Variants in TTC7B observed in about 807,000 individuals in gnomAD.
The protein encoded by TTC7B is tetratricopeptide repeat domain 7B.
TTC7B carries 28 observed loss-of-function variants against 106.8 expected under a neutral mutation model. That is an observed-to-expected ratio of 0.26 (90% CI 0.19 to 0.36). TTC7B has a LOEUF of 0.36. TTC7B is among the 10% of genes least tolerant of loss of function. TTC7B has a pLI of 1.00. For missense variants in TTC7B, 862 were observed against 1,076.4 expected, an observed-to-expected ratio of 0.80 and a Z score of 2.79; for synonymous variants, 405 against 430.6, an observed-to-expected ratio of 0.94 and a Z score of 0.74.
At chr14:90,803,531 C>T (rs1019508867) in intron 1 of TTC7B, among the ~76,000 whole-genome samples, 6 of 152,186 alleles carry the variant, frequency 3.9e-5, no homozygotes, top group African/African-American at 1.2e-4. Context: ...TCCCATAACT[C>T]TCCTGGTTTA....
At chr14:90,572,899 G>T (rs2139797855) in intron 19 of TTC7B, among the ~76,000 whole-genome samples, 1 of 152,196 alleles carries the variant, frequency 6.6e-6, no homozygotes, top group African/African-American at 2.4e-5. Flanking sequence ...CTCCAGATGA[G>T]GCACATGGCC....
rs1886291009 is a variant in TTC7B, at chr14:90,663,559, G to C, written c.1153-5172C>G. On this transcript the variant is annotated intron_variant, in intron 9 of 19. Transcript: ENST00000328459. This position sits in a 1 kb window ranked among gnomAD's most constrained non-coding sequence, Gnocchi z 4.5. ...TTTACTGATCCCACGATATCCACCA[G>C]CACCACGGCAGCCAGTGGTGCCACG... Among the ~76,000 whole-genome samples the C allele has an allele frequency of 6.6e-6, 1 of 152,040 alleles. No homozygotes were observed. The highest frequency in any genetic ancestry group is 6.6e-5 in the Admixed American group (1 of 15,264).
chr14:90,564,484 T>C (rs1286855525), intron 19 of TTC7B, among the ~76,000 whole-genome samples: 7 of 152,180 alleles, frequency 4.6e-5, no homozygotes, highest in African/African-American at 1.7e-4. Context: ...AAGTCACCAA[T>C]TGCATCAGCC....
intron 6 of TTC7B, among the ~76,000 whole-genome samples, chr14:90,695,000 C>CATAATATATGT (rs1887655502): frequency 6.9e-5 from 1 of 14,544 alleles, no homozygotes; most frequent in Admixed American, 9.1e-4. Flanking sequence ...AACACATATG[C>CATAATATATGT]CACATATATT....
At chr14:90,583,295 G>T (rs1373802668) in intron 18 of TTC7B, among the ~76,000 whole-genome samples, 1 of 152,202 alleles carries the variant, frequency 6.6e-6, no homozygotes, top group Non-Finnish European at 1.5e-5. Context: ...AGGATCTACA[G>T]GCTGGTCCCC....
intron 15 of TTC7B, among the ~76,000 whole-genome samples, chr14:90,629,251 T>TC (rs33911593): frequency 6.6e-6 from 1 of 151,702 alleles, no homozygotes; most frequent in Non-Finnish European, 1.5e-5. Flanking sequence ...CCTTTTTTTT[T>TC]CTTTTTTTTT....
At chr14:90,669,988 A>G (rs900077117) in intron 9 of TTC7B, among the ~76,000 whole-genome samples, 1 of 152,246 alleles carries the variant, frequency 6.6e-6, no homozygotes, top group Admixed American at 6.5e-5. Context: ...TTTATGTGCA[A>G]GTGTTGATGT....
chr14:90,641,470 G>C (rs940667318), intron 15 of TTC7B, among the ~76,000 whole-genome samples: 4 of 152,216 alleles, frequency 2.6e-5, no homozygotes, highest in Non-Finnish European at 5.9e-5. Context: ...GTTGCAACAA[G>C]TGCCCACTTA....
At chr14:90,777,008 G>A (rs754666854) in intron 3 of TTC7B, among the ~76,000 whole-genome samples, 1 of 152,166 alleles carries the variant, frequency 6.6e-6, no homozygotes, top group Non-Finnish European at 1.5e-5. Context: ...GGCCGAGGTG[G>A]GTGGATCACC....
intron 9 of TTC7B, among the ~76,000 whole-genome samples, chr14:90,673,742 C>T (rs1436447912): frequency 3.9e-5 from 6 of 152,074 alleles, no homozygotes; most frequent in East Asian, 1.9e-4. Context: ...ATCTGTACAA[C>T]GGAATACTAT....
At chr14:90,719,798 C>A (rs778143835) in intron 5 of TTC7B, among the ~76,000 whole-genome samples, 6 of 152,186 alleles carry the variant, frequency 3.9e-5, no homozygotes, top group Non-Finnish European at 7.3e-5. Context: ...CTAAACCTAA[C>A]AAATTCCCTG....
chr14:90,681,898 T>C (rs10150479), intron 7 of TTC7B, among the ~76,000 whole-genome samples: 109,171 of 151,766 alleles, frequency 0.72, 39,605 homozygotes, highest in East Asian at 0.96. Context: ...TGTGTATGTG[T>C]GTGTGCATGT....
At chr14:90,579,512 T>C (rs1891398345) in intron 18 of TTC7B, among the ~76,000 whole-genome samples, 1 of 152,204 alleles carries the variant, frequency 6.6e-6, no homozygotes, top group Non-Finnish European at 1.5e-5. Context: ...AAAAAGAAAG[T>C]TTAGGCAAGT....
rs557271360 is a variant in TTC7B, at chr14:90,752,262, A to C, written c.446-7340T>G. 7.9e-5 allele frequency among the ~76,000 whole-genome samples: 12 copies of C among 152,256 alleles called. 1 individual carries two copies. In the South Asian group the frequency reaches 2.5e-3, roughly 32 times the overall value. ...GTCAGGTGCAGTGGCTCATGCCTGT[A>C]ATCTTAGCACTTTGGGAGGCCAAGG... is the stretch of plus-strand genomic sequence containing the variant. On this transcript the variant is annotated intron_variant, in intron 3 of 19. Transcript: ENST00000328459.
intron 15 of TTC7B, among the ~76,000 whole-genome samples, chr14:90,630,622 G>C (rs557651686): frequency 1.3e-5 from 2 of 152,056 alleles, no homozygotes; most frequent in Non-Finnish European, 2.9e-5. Context: ...AACTGAAACC[G>C]CACCCACTGA....
At chr14:90,700,620 A>C (rs1490379427) in intron 5 of TTC7B, among the ~76,000 whole-genome samples, 2 of 151,732 alleles carry the variant, frequency 1.3e-5, no homozygotes, top group Admixed American at 1.3e-4. Flanking sequence ...CAAAGGGAAC[A>C]ACTAAAGCAG....
rs564521206 is a variant in TTC7B at position 90,577,834 on chromosome 14, G to A, written c.2310+272C>T. Among the ~76,000 whole-genome samples the A allele has an allele frequency of 5.2e-5, 8 of 152,394 alleles. No individual in the cohort carries two copies. In the East Asian group the frequency reaches 1.5e-3, roughly 29 times the overall value. On this transcript the variant is annotated intron_variant, in intron 19 of 19. Transcript: ENST00000328459. This position sits in a 1 kb window ranked among gnomAD's most constrained non-coding sequence, Gnocchi z 5.0. ...TGTCTTTATCAAACCCAGAGCCACA[G>A]GGTGGCTTAGACTGCTGGCCAGGAG...
chr14:90,560,675 G>A (rs1890535615), intron 19 of TTC7B, among the ~76,000 whole-genome samples: 1 of 152,156 alleles, frequency 6.6e-6, no homozygotes, highest in African/African-American at 2.4e-5. Flanking sequence ...GGCTCCAAAC[G>A]GTGGCTCAGC....
In TTC7B at chr14:90,525,006, C is replaced by G. The variant is rs1889113970; in HGVS notation, c.*16362G>C. The G allele has an allele frequency of 6.6e-6, 1 of 152,160 alleles. No homozygotes were observed. Among genetic ancestry groups the G allele is most frequent in the African/African-American group, 2.4e-5 (1 of 41,428 alleles). The allele number at this position is 152,160 out of a possible 1,614,324, so 9.4% of individuals were successfully genotyped here. On this transcript the variant is annotated 3_prime_UTR_variant, in exon 20 of 20. Coordinates refer to ENST00000328459, the MANE Select transcript of TTC7B (RefSeq NM_001010854.2). Reference sequence around the variant, plus strand: ...AATATGTCTTGACATTTGTATCTATCCATGAAGCCATCGCCACTATTAAGA... The same window carrying G: ...AATATGTCTTGACATTTGTATCTATGCATGAAGCCATCGCCACTATTAAGA...
Sources: allele counts gnomAD v4.1 joint callset (sites outside exome capture counted in the v4.1 genomes callset), GRCh38; gene constraint gnomAD v4.1.1; non-coding constraint Gnocchi (gnomAD v3.1); transcripts MANE v1.5; gene names NCBI Gene and HGNC (gene_info 2026-07-23, HGNC 2026-07-21).